The following VOPP1 variants were observed in gnomAD, a reference collection of about 807,000 sequenced individuals.
VOPP1 encodes the protein WW domain binding protein VOPP1.
Under a neutral mutation model 23.5 loss-of-function variants are expected in VOPP1, and 8 were observed. That is an observed-to-expected ratio of 0.34 (90% CI 0.20 to 0.61). The LOEUF (loss-of-function observed/expected upper bound fraction) is 0.61, where lower values mean the gene tolerates loss of function less well. Ranked by LOEUF, VOPP1 falls within the 20% of genes least tolerant of loss-of-function variation. The probability of loss-of-function intolerance (pLI) is 0.78; values close to 1 mark genes in which losing one functional copy is unlikely to be tolerated. For missense variants in VOPP1, 174 were observed against 238.1 expected (o/e 0.73, Z 1.77); for synonymous variants, 83 against 97.3 (o/e 0.85, Z 0.86).
At chr7:55,497,567 G>GAT in intron 3 of VOPP1, 46 bp downstream of exon 3, 1 of 1,342,918 alleles carries the variant, frequency 7.4e-7, no homozygotes, top group Non-Finnish European at 1.0e-6. Context: ...GGGGGGGGGG[G>GAT]GGGCAGAGCT....
At chr7:55,549,574 G>A (rs939912552) in intron 1 of VOPP1, among the ~76,000 whole-genome samples, 1 of 152,230 alleles carries the variant, frequency 6.6e-6, no homozygotes, top group Admixed American at 6.5e-5. Flanking sequence ...GCCATCTGCT[G>A]CAGGTGGCCG....
chr7:55,566,541 G>A (rs1043833492), intron 1 of VOPP1, among the ~76,000 whole-genome samples: 7 of 152,156 alleles, frequency 4.6e-5, no homozygotes, highest in African/African-American at 1.2e-4. Context: ...CAGCCTAGGC[G>A]ACAGAGGGAG....
intron 1 of VOPP1, chr7:55,552,895 C>G (rs544613929): frequency 1.6e-6 from 2 of 1,254,354 alleles, no homozygotes; most frequent in Middle Eastern, 2.9e-4. Flanking sequence ...CTCCTGAACC[C>G]GAAGAAAAAA....
intron 4 of VOPP1, among the ~76,000 whole-genome samples, chr7:55,448,282 G>A (rs1041283548): frequency 4.6e-5 from 7 of 151,678 alleles, no homozygotes; most frequent in Non-Finnish European, 4.4e-5. Flanking sequence ...AAAACAGATT[G>A]GAGAAATGTA....
intron 2 of VOPP1, among the ~76,000 whole-genome samples, chr7:55,516,924 ATATATATATTTTTTTTTTTTTTTTT>A (rs1242912053): frequency 2.3e-4 from 10 of 43,062 alleles, no homozygotes; most frequent in African/African-American, 1.1e-3. Context: ...ATATATATAT[ATATATATATTTTTTTTTTTTTTTTT>A]TTTTTTTTTT....
At chr7:55,517,487 G>A (rs1027931420) in intron 2 of VOPP1, among the ~76,000 whole-genome samples, 2 of 152,126 alleles carry the variant, frequency 1.3e-5, no homozygotes, top group Non-Finnish European at 2.9e-5. Context: ...CCAGAGGCCA[G>A]GCCGGCAGCA....
intron 1 of VOPP1, among the ~76,000 whole-genome samples, chr7:55,540,398 A>AAAATAAATAAATAAATAAAT (rs200219554): frequency 7.1e-6 from 1 of 141,800 alleles, no homozygotes; most frequent in Non-Finnish European, 1.5e-5. Flanking sequence ...CTCTGTCTCA[A>AAAATAAATAAATAAATAAAT]AAATAAATAA....
At chr7:55,538,897 T>C (rs181527794) in intron 1 of VOPP1, among the ~76,000 whole-genome samples, 2 of 151,734 alleles carry the variant, frequency 1.3e-5, no homozygotes, top group South Asian at 2.1e-4. Context: ...AACCAAATAT[T>C]TGGGTATACA....
intron 1 of VOPP1, among the ~76,000 whole-genome samples, chr7:55,555,147 C>T (rs1454643139): frequency 6.6e-6 from 1 of 152,144 alleles, no homozygotes; most frequent in African/African-American, 2.4e-5. Context: ...AAATAAATTT[C>T]CAATCTGCCT....
At chr7:55,545,848 C>G (rs920364941) in intron 1 of VOPP1, among the ~76,000 whole-genome samples, 1 of 152,064 alleles carries the variant, frequency 6.6e-6, no homozygotes, top group Non-Finnish European at 1.5e-5. Flanking sequence ...GTAGGCGGAT[C>G]CCTTGAGCCC....
intron 4 of VOPP1, among the ~76,000 whole-genome samples, chr7:55,463,605 G>A (rs906950767): frequency 4.7e-4 from 71 of 152,198 alleles, no homozygotes; most frequent in African/African-American, 1.6e-3. Context: ...AGGCTGTGGC[G>A]AGGCTTTGCT....
At chr7:55,486,896 C>G (rs186464185) in intron 4 of VOPP1, among the ~76,000 whole-genome samples, 18 of 152,332 alleles carry the variant, frequency 1.2e-4, no homozygotes, top group African/African-American at 4.3e-4. Context: ...CCCCCCAAGG[C>G]CACACACCCT....
intron 4 of VOPP1, among the ~76,000 whole-genome samples, chr7:55,492,077 A>C (rs940412770): frequency 6.6e-6 from 1 of 152,242 alleles, no homozygotes; most frequent in Admixed American, 6.5e-5. Flanking sequence ...GATAACTGTA[A>C]GAATATGAGG....
At chr7:55,505,660 AG>A (rs1794670003) in intron 2 of VOPP1, among the ~76,000 whole-genome samples, 1 of 980 alleles carries the variant, frequency 1.0e-3, no homozygotes, top group African/African-American at 1.2e-3. Flanking sequence ...GAAGGGAGGG[AG>A]GGAGGGAGGG....
chr7:55,561,537 C>T (rs968558935), intron 1 of VOPP1, among the ~76,000 whole-genome samples: 2 of 151,712 alleles, frequency 1.3e-5, no homozygotes, highest in South Asian at 4.2e-4. Context: ...GGTGAAACCC[C>T]GTCTCTACTA....
intron 1 of VOPP1, among the ~76,000 whole-genome samples, chr7:55,538,994 G>A (rs2129049995): frequency 6.9e-6 from 1 of 145,608 alleles, no homozygotes; most frequent in African/African-American, 2.5e-5. Flanking sequence ...AAGGTATTGG[G>A]GAGGGAAAGG....
chr7:55,547,563 C>T (rs1797421616), intron 1 of VOPP1, among the ~76,000 whole-genome samples: 1 of 152,122 alleles, frequency 6.6e-6, no homozygotes. Context: ...CTCTGGAGCA[C>T]GGAACTAAGT....
chr7:55,552,509 T>A (rs1797650586), intron 1 of VOPP1: 1 of 1,349,104 alleles, frequency 7.4e-7, no homozygotes. Context: ...ACAGGATGGA[T>A]CTCCATGCTT....
intron 1 of VOPP1, among the ~76,000 whole-genome samples, chr7:55,568,455 G>C (rs768592614): frequency 7.9e-5 from 12 of 152,194 alleles, no homozygotes; most frequent in Admixed American, 4.6e-4. Flanking sequence ...CGTGGCTTAA[G>C]CGTTTCCAGC....
Sources: gnomAD v4.1 joint callset for allele counts (sites outside exome capture counted in the v4.1 genomes callset) on GRCh38, gnomAD v4.1.1 for gene constraint, MANE v1.5 for transcripts, NCBI Gene and HGNC (gene_info 2026-07-23, HGNC 2026-07-21) for gene names.